CALCR: variants seen among roughly 807,000 people sequenced by gnomAD.
The protein encoded by CALCR is calcitonin receptor.
In CALCR, 47 loss-of-function variants were observed where a neutral mutation model predicts 59.5. The ratio of observed to expected loss-of-function variants is 0.79; its 90% CI spans 0.63 to 1.01. The LOEUF is 1.01. Ranked by LOEUF, CALCR falls within the 50% of genes least tolerant of loss-of-function variation. The pLI, the probability that CALCR is intolerant of heterozygous loss-of-function variation, is 0.00. For synonymous variants in CALCR, 213 were observed against 211.3 expected (o/e 1.01, Z -0.07); for missense variants, 566 against 597.1 (o/e 0.95, Z 0.54).
chr7:93,517,317 A>ATCTTTTTTTTTTTTTTTT (rs1554404282), intron 2 of CALCR, among the ~76,000 whole-genome samples: 4 of 127,868 alleles, frequency 3.1e-5, no homozygotes, highest in South Asian at 2.6e-4. Flanking sequence ...TTTTTTTTTA[A>ATCTTTTTTTTTTTTTTTT]TTTGCTAGCC....
chr7:93,474,719 G>T (rs1020522556), intron 5 of CALCR, among the ~76,000 whole-genome samples: 1 of 151,722 alleles, frequency 6.6e-6, no homozygotes, highest in African/African-American at 2.4e-5. Context: ...GCCTAGATTG[G>T]TATAATATGC....
intron 2 of CALCR, among the ~76,000 whole-genome samples, chr7:93,544,042 T>A: frequency 6.6e-6 from 1 of 151,642 alleles, no homozygotes; most frequent in East Asian, 1.9e-4. Context: ...AATTGAAAAA[T>A]TTGCAGCATA....
At chr7:93,457,448 A>G (rs1190824593) in intron 8 of CALCR, among the ~76,000 whole-genome samples, 2 of 152,188 alleles carry the variant, frequency 1.3e-5, no homozygotes, top group Non-Finnish European at 2.9e-5. Context: ...CACAGTGGAT[A>G]AGAAGTCCCT....
chr7:93,512,690 C>T (rs1030293512), intron 2 of CALCR, among the ~76,000 whole-genome samples: 7 of 152,026 alleles, frequency 4.6e-5, no homozygotes, highest in Admixed American at 3.9e-4. Context: ...TACAGACAAT[C>T]TGAAAAGGCT....
intron 7 of CALCR, among the ~76,000 whole-genome samples, chr7:93,464,133 GTTA>G (rs552940734): frequency 1.4e-3 from 219 of 152,094 alleles, no homozygotes; most frequent in Admixed American, 2.4e-3. Flanking sequence ...TTTGTTTCAA[GTTA>G]TTAGTACCCT....
intron 2 of CALCR, among the ~76,000 whole-genome samples, chr7:93,534,829 T>G (rs932184968): frequency 6.6e-6 from 1 of 151,704 alleles, no homozygotes; most frequent in Non-Finnish European, 1.5e-5. Flanking sequence ...AGAGAGCTAG[T>G]GTTTAGAAAT....
At chr7:93,512,594 A>G (rs750303632) in intron 2 of CALCR, among the ~76,000 whole-genome samples, 34 of 152,220 alleles carry the variant, frequency 2.2e-4, no homozygotes, top group Non-Finnish European at 3.7e-4. Context: ...ACACAGGGAC[A>G]TCCTCTTGCT....
At chr7:93,564,780 C>T (rs1789826020) in intron 2 of CALCR, among the ~76,000 whole-genome samples, 1 of 151,582 alleles carries the variant, frequency 6.6e-6, no homozygotes, top group South Asian at 2.1e-4. Context: ...CTGAAGGTAG[C>T]CCGTGTTTAC....
intron 2 of CALCR, among the ~76,000 whole-genome samples, chr7:93,522,807 T>C (rs1239135453): frequency 6.6e-6 from 1 of 152,080 alleles, no homozygotes; most frequent in Non-Finnish European, 1.5e-5. Flanking sequence ...TATATATAAT[T>C]AAGAAAAAAG....
chr7:93,512,523 G>A (rs776944812), intron 2 of CALCR, among the ~76,000 whole-genome samples: 11 of 152,076 alleles, frequency 7.2e-5, no homozygotes, highest in Non-Finnish European at 1.3e-4. Context: ...CTTAAAAAAT[G>A]CACATAAGAT....
At chr7:93,454,118 C>T (rs891634491) in intron 8 of CALCR, among the ~76,000 whole-genome samples, 3 of 151,966 alleles carry the variant, frequency 2.0e-5, no homozygotes, top group Non-Finnish European at 4.4e-5. Flanking sequence ...TCTGCTATCT[C>T]GGTTACCTCT....
intron 3 of CALCR, among the ~76,000 whole-genome samples, chr7:93,481,679 A>G (rs1800800640): frequency 3.3e-5 from 5 of 151,892 alleles, no homozygotes; most frequent in Admixed American, 2.0e-4. Flanking sequence ...TATCATTATT[A>G]TAACATTACT....
intron 2 of CALCR, among the ~76,000 whole-genome samples, chr7:93,489,535 G>A (rs1801027500): frequency 6.6e-6 from 1 of 151,248 alleles, no homozygotes; most frequent in South Asian, 2.1e-4. Context: ...TAATAAAGAA[G>A]AAAAGAGAGA....
At chr7:93,501,323 A>G (rs762025662) in intron 2 of CALCR, among the ~76,000 whole-genome samples, 44 of 152,110 alleles carry the variant, frequency 2.9e-4, no homozygotes, top group Non-Finnish European at 6.2e-4. Context: ...AAACTTGCAT[A>G]TGACTCACCT....
At chr7:93,515,560 G>T (rs1326221410) in intron 2 of CALCR, among the ~76,000 whole-genome samples, 2 of 151,936 alleles carry the variant, frequency 1.3e-5, no homozygotes, top group Non-Finnish European at 2.9e-5. Context: ...GCTTATATAT[G>T]TTTCCTTTGC....
intron 13 of CALCR, among the ~76,000 whole-genome samples, chr7:93,427,344 A>G (rs1028777425): frequency 1.3e-5 from 2 of 152,200 alleles, no homozygotes; most frequent in East Asian, 1.9e-4. Context: ...AACGAATTCA[A>G]TTTAGTAGTT....
intron 2 of CALCR, among the ~76,000 whole-genome samples, chr7:93,571,791 G>A (rs1790011455): frequency 1.3e-5 from 2 of 152,134 alleles, no homozygotes; most frequent in South Asian, 2.1e-4. Flanking sequence ...ATAAAATAAT[G>A]ATAATAGCTT....
chr7:93,515,457 T>G (rs1801630713), intron 2 of CALCR, among the ~76,000 whole-genome samples: 1 of 152,048 alleles, frequency 6.6e-6, no homozygotes, highest in South Asian at 2.1e-4. Flanking sequence ...TAGTAATGAT[T>G]AATGGCACAA....
chr7:93,441,601 CT>C (rs1799906416), intron 9 of CALCR: 39 of 450,828 alleles, frequency 8.7e-5, no homozygotes, highest in South Asian at 5.7e-4. Context: ...AAATTTTGAC[CT>C]GTTTTAGGAC....
Sources: allele counts gnomAD v4.1 joint callset (sites outside exome capture counted in the v4.1 genomes callset), GRCh38; gene constraint gnomAD v4.1.1; transcripts MANE v1.5; gene names NCBI Gene and HGNC (gene_info 2026-07-23, HGNC 2026-07-21).